Variants in PPP1R16B observed in about 807,000 individuals in gnomAD.
PPP1R16B encodes the protein protein phosphatase 1 regulatory subunit 16B, also known as protein phosphatase 1 regulatory inhibitor subunit 16B.
In PPP1R16B, 14 loss-of-function variants were observed where a neutral mutation model predicts 61.7. That is an observed-to-expected ratio of 0.23 (90% confidence interval 0.15 to 0.35). The LOEUF is 0.35. Ranked by LOEUF, PPP1R16B falls within the 10% of genes least tolerant of loss-of-function variation. The pLI is 1.00. For missense variants in PPP1R16B, 547 were observed against 752.5 expected, an observed-to-expected ratio of 0.73 and a Z score of 3.19; for synonymous variants, 266 against 305.3, an observed-to-expected ratio of 0.87 and a Z score of 1.34.
chr20:38,883,607 C>T (rs1260027137), intron 2 of PPP1R16B, among the ~76,000 whole-genome samples: 15 of 152,094 alleles, frequency 9.9e-5, no homozygotes, highest in South Asian at 2.1e-4. Flanking sequence ...TAGGGGGTGG[C>T]GGGGCACCGA....
At chr20:38,848,433 CCTGT>C (rs1237289927) in intron 2 of PPP1R16B, among the ~76,000 whole-genome samples, 1 of 152,232 alleles carries the variant, frequency 6.6e-6, no homozygotes, top group Non-Finnish European at 1.5e-5. Flanking sequence ...AACTCTCCAA[CCTGT>C]CTATTCTGTT....
chr20:38,831,533 G>T (rs1000234600), intron 1 of PPP1R16B, among the ~76,000 whole-genome samples: 7 of 152,218 alleles, frequency 4.6e-5, no homozygotes, highest in African/African-American at 1.7e-4. Flanking sequence ...AATGACATTG[G>T]AGCTGGCAAA....
Position 38,907,065 on chromosome 20 carries a change from C to T in PPP1R16B, c.898+11C>T. On this transcript the variant is annotated intron_variant, in intron 8 of 10. Transcript: ENST00000299824. The surrounding 1 kb of genome is among the most constrained non-coding windows in gnomAD (Gnocchi z 4.5). Reference sequence around the variant, plus strand: ...ATGAGATGCCAATAGGTAAGTCCAGCACAATAGCTGGTGTGCACAAATAGG... The same window carrying T: ...ATGAGATGCCAATAGGTAAGTCCAGTACAATAGCTGGTGTGCACAAATAGG... The T allele has an allele frequency of 6.2e-7, 1 of 1,605,788 alleles. No homozygotes were observed. Among genetic ancestry groups the T allele is most frequent in the East Asian group, 2.2e-5 (1 of 44,840 alleles).
chr20:38,906,070 G>C lies in PPP1R16B; in HGVS notation c.798G>C (p.Leu266=). ...AGGACTGGGATGGCTGGGAGCCCCT[G>C]CATGCAGCTGCCTTCTGGGGACAGG... ...DVKDWDGWEP[L]HAAAFWGQMQ... The change falls in exon 7 of 11, where the codon CTG becomes CTC. Residue 266 remains leucine, a synonymous_variant. Transcript: ENST00000299824. The C allele has an allele frequency of 6.2e-7, 1 of 1,613,270 alleles. No homozygotes were observed. The highest frequency in any genetic ancestry group is 1.3e-5 in the African/African-American group (1 of 75,020).
chr20:38,852,034 C>T (rs1293183131), intron 2 of PPP1R16B, among the ~76,000 whole-genome samples: 3 of 151,922 alleles, frequency 2.0e-5, no homozygotes, highest in African/African-American at 7.3e-5. Flanking sequence ...CCCTGTATCT[C>T]GCGGGGACGG....
intron 3 of PPP1R16B, among the ~76,000 whole-genome samples, chr20:38,895,133 A>C (rs1423288864): frequency 6.6e-6 from 1 of 151,662 alleles, no homozygotes; most frequent in Non-Finnish European, 1.5e-5. Flanking sequence ...CAACACACAC[A>C]CCCCTGCCTC....
At chr20:38,832,126 T>G (rs1315950671) in intron 1 of PPP1R16B, among the ~76,000 whole-genome samples, 1 of 152,264 alleles carries the variant, frequency 6.6e-6, no homozygotes, top group African/African-American at 2.4e-5. Flanking sequence ...CCGGGCAGAC[T>G]GGCTCTTCCA....
At chr20:38,883,341 A>G (rs1482856127) in intron 2 of PPP1R16B, among the ~76,000 whole-genome samples, 1 of 152,256 alleles carries the variant, frequency 6.6e-6, no homozygotes. Flanking sequence ...CAGATGCCAA[A>G]GAAAACACAA....
chr20:38,834,174 A>C (rs1415153112), intron 1 of PPP1R16B, among the ~76,000 whole-genome samples: 1 of 152,120 alleles, frequency 6.6e-6, no homozygotes, highest in Non-Finnish European at 1.5e-5. Context: ...TTTTTTAAAA[A>C]ATTATTTTAT....
intron 2 of PPP1R16B, among the ~76,000 whole-genome samples, chr20:38,844,725 G>C (rs1192686582): frequency 6.6e-6 from 1 of 152,168 alleles, no homozygotes; most frequent in African/African-American, 2.4e-5. Context: ...TGCTAGTACA[G>C]CTTGGTGCCA....
chr20:38,895,957 T>TCCC, intron 4 of PPP1R16B, among the ~76,000 whole-genome samples: 1 of 95,174 alleles, frequency 1.1e-5, no homozygotes, highest in African/African-American at 4.9e-5. Flanking sequence ...CCCTCCCTCC[T>TCCC]TTCTTCTTTC....
At chr20:38,858,278 G>A (rs566094498) in intron 2 of PPP1R16B, among the ~76,000 whole-genome samples, 3 of 152,278 alleles carry the variant, frequency 2.0e-5, no homozygotes, top group Admixed American at 6.5e-5. Flanking sequence ...GGGCAAGACA[G>A]CTGTCTTCTC....
At chr20:38,823,694 A>T (rs993797479) in intron 1 of PPP1R16B, among the ~76,000 whole-genome samples, 9 of 152,144 alleles carry the variant, frequency 5.9e-5, no homozygotes, top group African/African-American at 2.2e-4. Flanking sequence ...CACTGAAAAA[A>T]GGAGCACCCA....
In PPP1R16B at chr20:38,918,683, G is replaced by A; in HGVS notation, c.*17G>A. On this transcript the variant is annotated 3_prime_UTR_variant, in exon 11 of 11. Coordinates refer to ENST00000299824, the MANE Select transcript of PPP1R16B (RefSeq NM_015568.4). The surrounding 1 kb of genome is among the most constrained non-coding windows in gnomAD (Gnocchi z 5.3). ...ATCTCCTAGTCTCCGTGTGATGGAG[G>A]AGGGAGATGCCTGGGGAGGGGCTCC... 2 of 1,496,532 alleles carry A rather than the reference G, an allele frequency of 1.3e-6. No homozygotes were observed. Among genetic ancestry groups the A allele is most frequent in the Non-Finnish European group, 1.8e-6 (2 of 1,126,210 alleles). The allele number at this position is 1,496,532 out of a possible 1,614,324, so 92.7% of individuals were successfully genotyped here.
At chr20:38,870,583 C>A (rs569015698) in intron 2 of PPP1R16B, among the ~76,000 whole-genome samples, 1 of 152,066 alleles carries the variant, frequency 6.6e-6, no homozygotes, top group Admixed American at 6.5e-5. Flanking sequence ...ATAGCACAAG[C>A]AGGGGCCCTG....
chr20:38,875,201 C>G (rs1253330796), intron 2 of PPP1R16B, among the ~76,000 whole-genome samples: 1 of 152,232 alleles, frequency 6.6e-6, no homozygotes, highest in Non-Finnish European at 1.5e-5. Context: ...ATCACTCTAC[C>G]TACATCCTGT....
chr20:38,827,909 G>A (rs1222952634), intron 1 of PPP1R16B, among the ~76,000 whole-genome samples: 4 of 152,160 alleles, frequency 2.6e-5, no homozygotes, highest in Admixed American at 2.6e-4. Context: ...AGCCAGCACT[G>A]TTTGTTTTGT....
In PPP1R16B at chr20:38,831,671, G is replaced by A. The variant is rs111720844; in HGVS notation, c.-101-4154G>A. Among the ~76,000 whole-genome samples the A allele has an allele frequency of 9.7e-4, 148 of 152,314 alleles. 2 individuals carry two copies. Among genetic ancestry groups the A allele is most frequent in the African/African-American group, 3.3e-3 (139 of 41,566 alleles). ...CTACACCAGTTGATGGTGATGCCGT[G>A]TGAGCCCACTGTGGCCCCATACCAA... On this transcript the variant is annotated intron_variant, in intron 1 of 10. Coordinates refer to ENST00000299824, the MANE Select transcript of PPP1R16B (RefSeq NM_015568.4).
intron 2 of PPP1R16B, among the ~76,000 whole-genome samples, chr20:38,854,548 C>T (rs1442749477): frequency 6.6e-6 from 1 of 152,158 alleles, no homozygotes; most frequent in African/African-American, 2.4e-5. Flanking sequence ...ATAAAGAGGC[C>T]TTCAGTGGAA....
Sources: gnomAD v4.1 joint callset for allele counts (sites outside exome capture counted in the v4.1 genomes callset) on GRCh38, gnomAD v4.1.1 for gene constraint, Gnocchi (gnomAD v3.1) non-coding constraint, MANE v1.5 for transcripts, NCBI Gene and HGNC (gene_info 2026-07-23, HGNC 2026-07-21) for gene names.